Variants in KCNN2 observed in about 807,000 individuals in gnomAD.
The protein encoded by KCNN2 is potassium calcium-activated channel subfamily N member 2.
KCNN2 carries 24 observed loss-of-function variants against 55.5 expected under a neutral mutation model. That is an observed-to-expected ratio of 0.43 (90% confidence interval 0.31 to 0.61). The LOEUF is 0.61. KCNN2 is among the 20% of genes least tolerant of loss of function. The pLI is 0.08. For synonymous variants in KCNN2, 431 were observed against 336.1 expected (o/e 1.28, Z -3.09); for missense variants, 754 against 853.6 (o/e 0.88, Z 1.45).
intron 2 of KCNN2, among the ~76,000 whole-genome samples, chr5:114,317,124 T>C (rs552100132): frequency 1.3e-5 from 2 of 152,270 alleles, no homozygotes; most frequent in South Asian, 2.1e-4. Context: ...CCCTATGCTA[T>C]TACTATAACT....
chr5:114,423,608 A>G (rs1015542756), intron 3 of KCNN2, among the ~76,000 whole-genome samples: 2 of 152,218 alleles, frequency 1.3e-5, no homozygotes, highest in Admixed American at 6.5e-5. Flanking sequence ...ATTTACAAAT[A>G]TATATATTGG....
At chr5:114,479,445 TTC>T (rs1299142785) in intron 5 of KCNN2, among the ~76,000 whole-genome samples, 3 of 152,162 alleles carry the variant, frequency 2.0e-5, no homozygotes, top group African/African-American at 7.2e-5. Flanking sequence ...AGACATTGAC[TTC>T]CACACAATAA....
At chr5:114,405,498 C>T (rs568581950) in intron 3 of KCNN2, among the ~76,000 whole-genome samples, 173 of 152,170 alleles carry the variant, frequency 1.1e-3, no homozygotes, top group African/African-American at 3.9e-3. Flanking sequence ...ATCAGTTATA[C>T]GTTAATAATG....
At chr5:114,476,188 A>G (rs1401797685) in intron 5 of KCNN2, among the ~76,000 whole-genome samples, 1 of 76,280 alleles carries the variant, frequency 1.3e-5, no homozygotes, top group Non-Finnish European at 2.5e-5. Flanking sequence ...CCCTCCCCCC[A>G]CCCCACCACA....
rs1758084754 is a variant in KCNN2 at position 114,380,467 on chromosome 5, C to G, written c.1218+16466C>G. Among the ~76,000 whole-genome samples, 3 of 152,164 alleles carry G rather than the reference C, an allele frequency of 2.0e-5. No individual in the cohort carries two copies. In the East Asian group the frequency reaches 5.8e-4, roughly 29 times the overall value. On this transcript the variant is annotated intron_variant, in intron 2 of 7. Coordinates refer to ENST00000673685, the MANE Select transcript of KCNN2 (RefSeq NM_021614.4). ...CATCAAAGAGAAAGGGATCGTGATT[C>G]AATTCCAGGTTTTCCTAACTTCTTA...
intron 1 of KCNN2, among the ~76,000 whole-genome samples, chr5:114,129,330 A>G (rs1015012703): frequency 6.6e-6 from 1 of 152,202 alleles, no homozygotes; most frequent in Non-Finnish European, 1.5e-5. Context: ...TTGAAACCCA[A>G]CAAAGAGAAT....
At chr5:114,417,303 T>G (rs10066949) in intron 3 of KCNN2, among the ~76,000 whole-genome samples, 1,613 of 152,326 alleles carry the variant, frequency 0.011, 31 homozygotes, top group African/African-American at 0.036. Context: ...GGAATGAGTA[T>G]TCTTATATTT....
chr5:114,227,825 C>G (rs6898149), intron 2 of KCNN2, among the ~76,000 whole-genome samples: 59,457 of 151,780 alleles, frequency 0.39, 12,235 homozygotes, highest in Middle Eastern at 0.53. Flanking sequence ...GAAGAGTAAA[C>G]ATTAAACATA....
intron 6 of KCNN2, among the ~76,000 whole-genome samples, chr5:114,489,704 A>G (rs1747755926): frequency 6.6e-6 from 1 of 151,938 alleles, no homozygotes; most frequent in African/African-American, 2.4e-5. Flanking sequence ...CTTACCTTTC[A>G]TTTTAGCTTA....
intron 1 of KCNN2, among the ~76,000 whole-genome samples, chr5:114,138,516 G>C (rs1412850907): frequency 6.6e-6 from 1 of 152,142 alleles, no homozygotes; most frequent in Non-Finnish European, 1.5e-5. Context: ...ATTGGGTGGA[G>C]ATCACAGATT....
chr5:114,490,811 T>C (rs1435488524), intron 6 of KCNN2: 15 of 397,540 alleles, frequency 3.8e-5, no homozygotes, highest in East Asian at 3.6e-5. Flanking sequence ...GCTATGGAAA[T>C]GTGATCCAAA....
At position 114,106,643 on chromosome 5, in the gene KCNN2, G is replaced by GTTTTTTT. The variant is rs149036166; in HGVS notation, c.-271+50153_-271+50159dup. On this transcript the variant is annotated intron_variant, in intron 1 of 10. Transcript: ENST00000512097. The stretch of plus-strand genomic sequence containing the variant: ...TAATGGCACTGAGGATTTTCCAGTT[G>GTTTTTTT]TTTTTTTTTTTTTTTTGGTCATTTG... Among the ~76,000 whole-genome samples, 67 of 69,862 alleles carry GTTTTTTT rather than the reference G, an allele frequency of 9.6e-4. 1 individual carries two copies. The highest frequency in any genetic ancestry group is 1.6e-3 in the African/African-American group (33 of 20,010). The allele number at this position is 69,862 out of a possible 152,430, so 45.8% of individuals were successfully genotyped here.
intron 2 of KCNN2, among the ~76,000 whole-genome samples, chr5:114,312,430 CACACATATATATATATATATATATATAT>C (rs1387566516): frequency 2.8e-4 from 6 of 21,798 alleles, no homozygotes; most frequent in African/African-American, 7.2e-4. Flanking sequence ...CACACACACA[CACACATATATATATATATATATATATAT>C]ATATATATAT....
At chr5:114,090,634 A>G (rs1451219590) in intron 1 of KCNN2, among the ~76,000 whole-genome samples, 1 of 151,870 alleles carries the variant, frequency 6.6e-6, no homozygotes, top group African/African-American at 2.4e-5. Context: ...ACATCATTGA[A>G]TATAGATATG....
At chr5:114,435,547 AAGC>A (rs1220851964) in intron 3 of KCNN2, among the ~76,000 whole-genome samples, 5 of 152,122 alleles carry the variant, frequency 3.3e-5, no homozygotes, top group African/African-American at 1.2e-4. Flanking sequence ...CTCCTTTTGA[AAGC>A]AGGAGAAAAT....
At chr5:114,194,312 C>G (rs1753507628) in intron 1 of KCNN2, among the ~76,000 whole-genome samples, 1 of 152,030 alleles carries the variant, frequency 6.6e-6, no homozygotes, top group South Asian at 2.1e-4. Context: ...TTTACATTCC[C>G]ACCAGCAATG....
intron 3 of KCNN2, among the ~76,000 whole-genome samples, chr5:114,406,697 A>T (rs1758945342): frequency 6.6e-6 from 1 of 151,942 alleles, no homozygotes; most frequent in Non-Finnish European, 1.5e-5. Flanking sequence ...TGAAGAAATG[A>T]CTCTTGGAAC....
upstream of KCNN2, among the ~76,000 whole-genome samples, chr5:114,358,834 A>G (rs1364172518): frequency 6.6e-6 from 1 of 152,210 alleles, no homozygotes; most frequent in Non-Finnish European, 1.5e-5. Context: ...AAAAGAAATC[A>G]TGTTATGCAC....
chr5:114,291,581 G>C (rs1381425676), intron 2 of KCNN2, among the ~76,000 whole-genome samples: 1 of 152,150 alleles, frequency 6.6e-6, no homozygotes, highest in Non-Finnish European at 1.5e-5. Flanking sequence ...TCCTAATCCA[G>C]TCTATCATTG....
Sources: gnomAD v4.1 joint callset for allele counts (sites outside exome capture counted in the v4.1 genomes callset) on GRCh38, gnomAD v4.1.1 for gene constraint, MANE v1.5 for transcripts, NCBI Gene and HGNC (gene_info 2026-07-23, HGNC 2026-07-21) for gene names.